LINC01488: variants seen among roughly 807,000 people sequenced by gnomAD.
LINC01488 encodes long independently transcribed non-coding RNA 1488.
chr11:69,483,561 A>G (rs1483254211), intron 1 of LINC01488, among the ~76,000 whole-genome samples: 12 of 152,314 alleles, frequency 7.9e-5, no homozygotes, highest in African/African-American at 2.6e-4. Context: ...CTGAAGGTAG[A>G]ACAGCGTCGG....
intron 1 of LINC01488, among the ~76,000 whole-genome samples, chr11:69,482,542 AGTGGATGGATGAGTAG>A (rs1175709399): frequency 0.023 from 3,302 of 144,674 alleles, 118 homozygotes; most frequent in African/African-American, 0.078. Context: ...ATGGATGATG[AGTGGATGGATGAGTAG>A]GTGGATGGAT....
chr11:69,489,245 T>C (rs1456879036), intron 1 of LINC01488, among the ~76,000 whole-genome samples: 1 of 151,634 alleles, frequency 6.6e-6, no homozygotes, highest in Non-Finnish European at 1.5e-5. Context: ...GACCACACTG[T>C]GACCCCGGGC....
rs554220789 is a variant in LINC01488 at position 69,482,480 on chromosome 11, A to G, written n.122+697A>G. Among the ~76,000 whole-genome samples the G allele has an allele frequency of 8.5e-5, 13 of 152,068 alleles. No individual in the cohort carries two copies. The East Asian group carries it at 2.3e-3, about 27-fold the overall frequency. ...AATGGATGGATGGATGCATGCATGG[A>G]TAGATGGATGAGTGCATGAATGGAT... On this transcript the variant is annotated intron_variant and non_coding_transcript_variant, in intron 1 of 3. Transcript: ENST00000644563.
At chr11:69,493,137 T>C (rs1319184324) in exon 4 of LINC01488, 2 of 152,232 alleles carry the variant, frequency 1.3e-5, no homozygotes, top group African/African-American at 4.8e-5. Flanking sequence ...ATTAGAGCTG[T>C]CAGCCTAGGA....
At chr11:69,485,265 C>G (rs1365521539) in intron 1 of LINC01488, among the ~76,000 whole-genome samples, 1 of 152,178 alleles carries the variant, frequency 6.6e-6, no homozygotes, top group Non-Finnish European at 1.5e-5. Flanking sequence ...GAGTTGGACC[C>G]AGACCCTTAA....
chr11:69,488,648 C>T (rs1318036920), intron 1 of LINC01488, among the ~76,000 whole-genome samples: 3 of 152,268 alleles, frequency 2.0e-5, no homozygotes, highest in African/African-American at 7.2e-5. Context: ...GGGGCGATCA[C>T]CATGCTTGCC....
intron 1 of LINC01488, among the ~76,000 whole-genome samples, chr11:69,482,038 G>A (rs1480015104): frequency 6.6e-6 from 1 of 151,952 alleles, no homozygotes; most frequent in African/African-American, 2.4e-5. Context: ...TGAGTGAGTG[G>A]TGTATTAGTC....
chr11:69,482,180 G>T (rs1037083009), intron 1 of LINC01488, among the ~76,000 whole-genome samples: 2 of 152,176 alleles, frequency 1.3e-5, no homozygotes, highest in East Asian at 3.8e-4. Context: ...AGAAGCAAAG[G>T]CACATCTTAC....
intron 1 of LINC01488, among the ~76,000 whole-genome samples, chr11:69,482,546 G>A (rs1270031644): frequency 6.9e-6 from 1 of 145,318 alleles, no homozygotes; most frequent in Non-Finnish European, 1.5e-5. Flanking sequence ...ATGATGAGTG[G>A]ATGGATGAGT....
At chr11:69,492,513 C>T (rs1044171154) in exon 4 of LINC01488, 2 of 152,286 alleles carry the variant, frequency 1.3e-5, no homozygotes, top group Admixed American at 6.5e-5. Flanking sequence ...AAGCAGAGGT[C>T]GGAGGGACGT....
chr11:69,492,212 C>G (rs1857233957), exon 4 of LINC01488: 1 of 152,182 alleles, frequency 6.6e-6, no homozygotes, highest in Admixed American at 6.5e-5. Context: ...TGGCTTCAGC[C>G]CCAGTGGTGA....
intron 1 of LINC01488, chr11:69,487,918 TG>T (rs941598177): frequency 6.6e-6 from 1 of 152,266 alleles, no homozygotes; most frequent in Non-Finnish European, 1.5e-5. Flanking sequence ...CGGGTCAAGA[TG>T]GGAGCCGCCT....
At chr11:69,485,095 C>T (rs554480399) in intron 1 of LINC01488, among the ~76,000 whole-genome samples, 20 of 152,112 alleles carry the variant, frequency 1.3e-4, no homozygotes, top group Non-Finnish European at 2.1e-4. Context: ...AAGTGGGGGG[C>T]GGGGTGGAGT....
At chr11:69,484,534 G>A (rs1857084345) in intron 1 of LINC01488, among the ~76,000 whole-genome samples, 1 of 152,234 alleles carries the variant, frequency 6.6e-6, no homozygotes, top group African/African-American at 2.4e-5. Context: ...TTACAGAGGT[G>A]TTTTCACAAA....
intron 1 of LINC01488, among the ~76,000 whole-genome samples, chr11:69,484,084 T>C (rs1857078061): frequency 6.6e-6 from 1 of 152,170 alleles, no homozygotes; most frequent in Non-Finnish European, 1.5e-5. Context: ...GGGCCCTAGG[T>C]ACCTGCTGTG....
intron 1 of LINC01488, among the ~76,000 whole-genome samples, chr11:69,484,705 A>C (rs1297602601): frequency 6.6e-6 from 1 of 152,258 alleles, no homozygotes; most frequent in Non-Finnish European, 1.5e-5. Context: ...GCAGCTGCTG[A>C]GCCCTGCTGT....
exon 4 of LINC01488, chr11:69,492,946 C>G (rs1472566169): frequency 6.6e-6 from 1 of 152,230 alleles, no homozygotes; most frequent in African/African-American, 2.4e-5. Context: ...GCTGGGGTGG[C>G]ACTGAATGCC....
chr11:69,491,026 G>A (rs1224352560), intron 2 of LINC01488: 1 of 152,128 alleles, frequency 6.6e-6, no homozygotes, highest in African/African-American at 2.4e-5. Flanking sequence ...CTTTTTCTGA[G>A]GGCCTGCTGT....
chr11:69,490,161 G>A (rs779277944), intron 1 of LINC01488, among the ~76,000 whole-genome samples: 1 of 152,234 alleles, frequency 6.6e-6, no homozygotes, highest in Non-Finnish European at 1.5e-5. Context: ...CCCCAGGGTT[G>A]GAGTGAAGCT....
Sources: allele counts gnomAD v4.1 joint callset (sites outside exome capture counted in the v4.1 genomes callset), GRCh38; gene constraint gnomAD v4.1.1; transcripts MANE v1.5; gene names NCBI Gene and HGNC (gene_info 2026-07-23, HGNC 2026-07-21).